The following PLEKHH2 variants were observed in gnomAD, a reference collection of about 807,000 sequenced individuals.
PLEKHH2 encodes pleckstrin homology, MyTH4 and FERM domain containing H2.
Under a neutral mutation model 187.9 loss-of-function variants are expected in PLEKHH2, and 129 were observed. That is an observed-to-expected ratio of 0.69 (90% CI 0.59 to 0.79). The LOEUF is 0.79. Among genes scored for constraint, PLEKHH2 ranks in the 30% least tolerant of loss-of-function variants. The pLI is 0.00. For missense variants in PLEKHH2, 2,076 were observed against 1,751.2 expected, an observed-to-expected ratio of 1.19 and a Z score of -3.31; for synonymous variants, 686 against 605.6, an observed-to-expected ratio of 1.13 and a Z score of -1.95.
chr2:43,682,548 GC>G (rs201502298), intron 3 of PLEKHH2, among the ~76,000 whole-genome samples: 1 of 152,046 alleles, frequency 6.6e-6, no homozygotes, highest in Non-Finnish European at 1.5e-5. Flanking sequence ...CTTGTGATTT[GC>G]CCCCCTTGGC....
chr2:43,753,858 C>A, intron 25 of PLEKHH2, 98 bp downstream of exon 25: 2 of 1,090,198 alleles, frequency 1.8e-6, no homozygotes, highest in Non-Finnish European at 2.5e-6. Flanking sequence ...TAATTCTTTA[C>A]ATTCGTTTTG....
In PLEKHH2 at chr2:43,648,118, C is replaced by G. The variant is rs1371095967; in HGVS notation, c.123+3322C>G. Among the ~76,000 whole-genome samples the G allele has an allele frequency of 2.0e-5, 3 of 152,168 alleles. No homozygotes were observed. In the East Asian group the frequency reaches 5.8e-4, roughly 29 times the overall value. On this transcript the variant is annotated intron_variant, in intron 2 of 29. Transcript: ENST00000282406. ...TAGATCTTTCAGACTTGTGATGCAG[C>G]TAATAGAGCGTCTGGCACACAGAAG...
At chr2:43,675,036 T>C (rs1412125204) in intron 2 of PLEKHH2, 1 of 173,886 alleles carries the variant, frequency 5.8e-6, no homozygotes, top group Non-Finnish European at 1.2e-5. Context: ...TATGTGGCCA[T>C]ACATGGTGGC....
Position 43,703,916 on chromosome 2 carries a change from C to CTTT in PLEKHH2, c.1651-42_1651-40dup, listed in dbSNP as rs10530805. 183 of 387,528 alleles carry CTTT rather than the reference C, an allele frequency of 4.7e-4. 1 individual carries two copies. The highest frequency in any genetic ancestry group is 4.4e-3 in the African/African-American group (142 of 32,172). 24.0% of individuals were successfully genotyped at this position (387,528 alleles called of 1,614,324 possible). A position where few individuals can be genotyped will look rare whatever the true frequency, so the allele number is the denominator to read the frequency against. ...GAAAAACATGTGTATTGAAAGTAGT[C>CTTT]TTTTTTTTTTTTTTTTTTTTTTTTT... On this transcript the variant is annotated intron_variant, in intron 8 of 29. Coordinates refer to ENST00000282406, the MANE Select transcript of PLEKHH2 (RefSeq NM_172069.4).
chr2:43,703,308 T>A (rs1669480504), intron 8 of PLEKHH2, among the ~76,000 whole-genome samples: 1 of 152,202 alleles, frequency 6.6e-6, no homozygotes, highest in Admixed American at 6.5e-5. Context: ...CAGTACCTGT[T>A]TCAGAGATTT....
intron 17 of PLEKHH2, among the ~76,000 whole-genome samples, chr2:43,727,834 T>C (rs1038913011): frequency 1.3e-5 from 2 of 152,212 alleles, no homozygotes; most frequent in Non-Finnish European, 2.9e-5. Context: ...CACTTGCCTC[T>C]GCTACCTCTC....
At chr2:43,721,980 G>A (rs543260468) in intron 16 of PLEKHH2, among the ~76,000 whole-genome samples, 1 of 152,058 alleles carries the variant, frequency 6.6e-6, no homozygotes, top group South Asian at 2.1e-4. Flanking sequence ...AAATTGTGCT[G>A]TCAATGTAAT....
chr2:43,756,417 C>T (rs1041211866), intron 25 of PLEKHH2, among the ~76,000 whole-genome samples: 3 of 152,084 alleles, frequency 2.0e-5, no homozygotes, highest in East Asian at 1.9e-4. Flanking sequence ...CTCAGCCTCC[C>T]GAGTAGCTGG....
chr2:43,747,092 GTCTCTCTCTCTCTCTCCC>G (rs1671812697), intron 24 of PLEKHH2, among the ~76,000 whole-genome samples: 1 of 130,660 alleles, frequency 7.7e-6, no homozygotes, highest in African/African-American at 2.9e-5. Flanking sequence ...CTTTCTTTCT[GTCTCTCTCTCTCTCTCCC>G]TCTCTCTCTC....
At chr2:43,676,277 C>G in intron 2 of PLEKHH2, 1 of 1,613,428 alleles carries the variant, frequency 6.2e-7, no homozygotes, top group Non-Finnish European at 8.5e-7. Flanking sequence ...GAAATGCTCC[C>G]AAGCAACATA....
intron 6 of PLEKHH2, 33 bp downstream of exon 6, chr2:43,695,257 A>G: frequency 7.7e-7 from 1 of 1,301,922 alleles, no homozygotes; most frequent in East Asian, 2.4e-5. Context: ...GCTTAGTTGG[A>G]TTTATTTGAC....
At chr2:43,649,356 A>G (rs900034041) in intron 2 of PLEKHH2, among the ~76,000 whole-genome samples, 6 of 152,228 alleles carry the variant, frequency 3.9e-5, no homozygotes, top group Admixed American at 6.5e-5. Context: ...TTCGGTGAAA[A>G]GGAAAGGGAG....
At chr2:43,671,983 T>G (rs1558453534) in intron 2 of PLEKHH2, among the ~76,000 whole-genome samples, 1 of 152,214 alleles carries the variant, frequency 6.6e-6, no homozygotes, top group Non-Finnish European at 1.5e-5. Flanking sequence ...GAGTTTTTGT[T>G]GAGTTTCTAT....
chr2:43,734,395 A>C (rs901304222), intron 19 of PLEKHH2, among the ~76,000 whole-genome samples: 15 of 152,234 alleles, frequency 9.9e-5, no homozygotes, highest in African/African-American at 2.9e-4. Flanking sequence ...AAATCATTCA[A>C]CTCAATAGCA....
chr2:43,750,089 C>CT (rs1671946231), intron 24 of PLEKHH2, among the ~76,000 whole-genome samples: 2 of 152,304 alleles, frequency 1.3e-5, no homozygotes, highest in Admixed American at 6.5e-5. Flanking sequence ...CAAAAGAAAA[C>CT]TGGCCATAGC....
At chr2:43,638,614 A>G (rs773791983) in intron 1 of PLEKHH2, among the ~76,000 whole-genome samples, 5 of 152,200 alleles carry the variant, frequency 3.3e-5, no homozygotes, top group African/African-American at 4.8e-5. Context: ...TAGACATGAT[A>G]GATTCCTTTC....
intron 2 of PLEKHH2, chr2:43,675,921 G>A: frequency 6.2e-7 from 1 of 1,614,042 alleles, no homozygotes; most frequent in African/African-American, 1.3e-5. Flanking sequence ...ACCAGTTGTA[G>A]TTGTCACCAT....
At chr2:43,640,281 C>T (rs554243031) in intron 1 of PLEKHH2, among the ~76,000 whole-genome samples, 190 of 150,906 alleles carry the variant, frequency 1.3e-3, no homozygotes, top group African/African-American at 4.1e-3. Flanking sequence ...GATCATAGCT[C>T]ACTGCTCAAG....
At chr2:43,717,048 A>G (rs376570787) in intron 15 of PLEKHH2, among the ~76,000 whole-genome samples, 1 of 152,340 alleles carries the variant, frequency 6.6e-6, no homozygotes, top group African/African-American at 2.4e-5. Context: ...AGAGAAGGAC[A>G]TGGGGCCAGG....
Sources: gnomAD v4.1 joint callset for allele counts (sites outside exome capture counted in the v4.1 genomes callset) on GRCh38, gnomAD v4.1.1 for gene constraint, MANE v1.5 for transcripts, NCBI Gene and HGNC (gene_info 2026-07-23, HGNC 2026-07-21) for gene names.